AGBL4: variants seen among roughly 807,000 people sequenced by gnomAD.
AGBL4 encodes cytosolic carboxypeptidase 6.
In AGBL4, 58 loss-of-function variants were observed where a neutral mutation model predicts 66.4. The ratio of observed to expected loss-of-function variants is 0.87; its 90% confidence interval spans 0.71 to 1.09. The LOEUF is 1.09. Among genes scored for constraint, AGBL4 ranks in the 50% least tolerant of loss-of-function variants. AGBL4 has a pLI of 0.00. For missense variants in AGBL4, 579 were observed against 631.0 expected (o/e 0.92, Z 0.88); for synonymous variants, 234 against 222.9 (o/e 1.05, Z -0.44).
intron 1 of AGBL4, among the ~76,000 whole-genome samples, chr1:49,874,512 TTG>T: frequency 1.3e-5 from 2 of 152,266 alleles, no homozygotes; most frequent in South Asian, 4.1e-4. Context: ...CTATAATCCA[TTG>T]TAATGTCATA....
chr1:49,035,731 T>TGG lies in AGBL4; in HGVS notation c.594+9852_594+9853insCC, dbSNP rs147009224. 6.8e-3 allele frequency among the ~76,000 whole-genome samples: 1,017 copies of TGG among 149,610 alleles called. 9 individuals carry two copies. The highest frequency in any genetic ancestry group is 0.023 in the African/African-American group (944 of 40,996). ...TGATTGTCACCTGACACTCCTGGGG[T>TGG]GTGTGTGTGTGTGTGTGTAGGTGGG... On this transcript the variant is annotated intron_variant, in intron 5 of 13. Coordinates refer to ENST00000371839, the MANE Select transcript of AGBL4 (RefSeq NM_032785.4).
At chr1:49,350,628 G>C (rs1392754158) in intron 3 of AGBL4, among the ~76,000 whole-genome samples, 1 of 152,160 alleles carries the variant, frequency 6.6e-6, no homozygotes, top group African/African-American at 2.4e-5. Context: ...ACTTTTATTA[G>C]TTTTGGGGGA....
intron 6 of AGBL4, among the ~76,000 whole-genome samples, chr1:48,833,361 G>A (rs1646599778): frequency 1.3e-5 from 2 of 152,188 alleles, no homozygotes; most frequent in Admixed American, 1.3e-4. Context: ...AGTGTTTTGT[G>A]AAAGGTAGAA....
At chr1:49,940,821 T>C (rs1190692689) in intron 1 of AGBL4, among the ~76,000 whole-genome samples, 1 of 151,998 alleles carries the variant, frequency 6.6e-6, no homozygotes. Flanking sequence ...CTGCACATTG[T>C]GCACATGTAC....
intron 3 of AGBL4, among the ~76,000 whole-genome samples, chr1:49,629,255 A>C (rs910445276): frequency 6.6e-6 from 1 of 152,204 alleles, no homozygotes; most frequent in African/African-American, 2.4e-5. Context: ...AATATTTACT[A>C]TCTGGTCCTT....
chr1:49,992,280 G>A (rs1370464605), intron 1 of AGBL4, among the ~76,000 whole-genome samples: 2 of 151,814 alleles, frequency 1.3e-5, no homozygotes, highest in Non-Finnish European at 2.9e-5. Context: ...GCTGAGGCAG[G>A]AGAATGGCGT....
At chr1:49,409,562 G>C (rs1388262635) in intron 3 of AGBL4, among the ~76,000 whole-genome samples, 5 of 152,130 alleles carry the variant, frequency 3.3e-5, no homozygotes, top group Admixed American at 1.3e-4. Flanking sequence ...AGGTGACAGA[G>C]CTACTTAGAG....
intron 5 of AGBL4, among the ~76,000 whole-genome samples, chr1:48,989,116 C>G (rs1660408376): frequency 6.6e-6 from 1 of 152,192 alleles, no homozygotes. Flanking sequence ...ACTCTCTACT[C>G]TCTGTTGTCA....
intron 6 of AGBL4, among the ~76,000 whole-genome samples, chr1:48,846,964 A>G (rs1443125500): frequency 1.3e-5 from 2 of 152,148 alleles, no homozygotes; most frequent in Non-Finnish European, 2.9e-5. Context: ...CCCTTTGCAC[A>G]TGTCAAGTTA....
chr1:48,657,443 C>T (rs1387526200), intron 7 of AGBL4, among the ~76,000 whole-genome samples: 3 of 152,272 alleles, frequency 2.0e-5, no homozygotes, highest in Admixed American at 1.3e-4. Context: ...GAGCTCCATC[C>T]GGCTGCAGCG....
intron 5 of AGBL4, among the ~76,000 whole-genome samples, chr1:48,988,568 A>C (rs1004507347): frequency 6.6e-6 from 1 of 152,214 alleles, no homozygotes; most frequent in Non-Finnish European, 1.5e-5. Context: ...GATTGCCTTG[A>C]GTTGTCTCTC....
At chr1:49,301,287 A>C (rs1644740660) in intron 3 of AGBL4, among the ~76,000 whole-genome samples, 1 of 152,208 alleles carries the variant, frequency 6.6e-6, no homozygotes, top group South Asian at 2.1e-4. Flanking sequence ...GGTGAACCTG[A>C]AACAACCTTT....
intron 4 of AGBL4, among the ~76,000 whole-genome samples, chr1:49,076,891 AC>A (rs1411860219): frequency 6.6e-6 from 1 of 152,202 alleles, no homozygotes; most frequent in Admixed American, 6.6e-5. Flanking sequence ...CTTTTAGTCA[AC>A]AAGCACCAGT....
intron 3 of AGBL4, among the ~76,000 whole-genome samples, chr1:49,388,264 T>C (rs1327077907): frequency 6.6e-6 from 1 of 152,124 alleles, no homozygotes; most frequent in African/African-American, 2.4e-5. Context: ...TTATAGGCCA[T>C]AGAGTGTCTG....
intron 5 of AGBL4, among the ~76,000 whole-genome samples, chr1:48,872,481 C>T (rs1253989714): frequency 6.6e-6 from 1 of 152,118 alleles, no homozygotes; most frequent in Non-Finnish European, 1.5e-5. Context: ...AGGATAAACA[C>T]TTGCTTATTT....
At position 49,278,332 on chromosome 1, in the gene AGBL4, C is replaced by T. The variant is rs559068392; in HGVS notation, c.283-32468G>A. Among the ~76,000 whole-genome samples, 18 of 152,128 alleles carry T rather than the reference C, an allele frequency of 1.2e-4. No homozygotes were observed. The South Asian group carries it at 1.9e-3, about 16-fold the overall frequency. ...CTTTCAATTTGCTTCTCAGGACAGA[C>T]GAATATTTTTTTATTAAAAGCTTTG... is the stretch of plus-strand genomic sequence containing the variant. On this transcript the variant is annotated intron_variant, in intron 3 of 13. Transcript: ENST00000371839.
intron 3 of AGBL4, among the ~76,000 whole-genome samples, chr1:49,520,042 G>A (rs1389566334): frequency 6.6e-6 from 1 of 152,020 alleles, no homozygotes; most frequent in Non-Finnish European, 1.5e-5. Flanking sequence ...CAGATTCTAA[G>A]AACCTGAACA....
intron 3 of AGBL4, among the ~76,000 whole-genome samples, chr1:49,601,762 G>A (rs1003712219): frequency 2.0e-5 from 3 of 151,940 alleles, no homozygotes; most frequent in East Asian, 1.9e-4. Flanking sequence ...AGAAGAAAAC[G>A]TAGGCAACAC....
rs187054512 is a variant in AGBL4 at position 49,042,389 on chromosome 1, G to A, written c.594+3195C>T. ...CAGAATTCAGATATCCTGTGGCAGC[G>A]ACTTTAAGCTGTCCCTCAATATCAA... is the stretch of plus-strand genomic sequence containing the variant. On this transcript the variant is annotated intron_variant, in intron 5 of 13. Coordinates refer to ENST00000371839, the MANE Select transcript of AGBL4 (RefSeq NM_032785.4). 3.6e-3 allele frequency among the ~76,000 whole-genome samples: 542 copies of A among 152,208 alleles called. 4 individuals are homozygous for A. Among genetic ancestry groups the A allele is most frequent in the African/African-American group, 0.011 (470 of 41,542 alleles).
Sources: gnomAD v4.1 joint callset for allele counts (sites outside exome capture counted in the v4.1 genomes callset) on GRCh38, gnomAD v4.1.1 for gene constraint, MANE v1.5 for transcripts, NCBI Gene and HGNC (gene_info 2026-07-23, HGNC 2026-07-21) for gene names.